The following TDP2 variants were observed in gnomAD, a reference collection of about 807,000 sequenced individuals.
The protein encoded by TDP2 is tyrosyl-DNA phosphodiesterase 2.
Under a neutral mutation model 42.8 loss-of-function variants are expected in TDP2, and 38 were observed. The observed-to-expected ratio is 0.89, with a 90% CI of 0.68 to 1.16. The LOEUF is 1.16. Ranked by LOEUF, TDP2 falls within the 50% of genes most tolerant of loss-of-function variation. The pLI is 0.00. For missense variants in TDP2, 439 were observed against 439.3 expected (o/e 1.00, Z 0.01); for synonymous variants, 173 against 150.6 (o/e 1.15, Z -1.09).
chr6:24,650,697 T>A lies in TDP2; in HGVS notation c.*91A>T. The stretch of plus-strand genomic sequence containing the variant: ...TGGTTTTTCTGTGACAATGATCTAG[T>A]ACATTATTTCCTCCACAGCAAACCT... On this transcript the variant is annotated 3_prime_UTR_variant, in exon 7 of 7. Transcript: ENST00000378198. 5 of 1,282,220 alleles carry A rather than the reference T, an allele frequency of 3.9e-6. No individual in the cohort carries two copies. The highest frequency in any genetic ancestry group is 5.4e-6 in the Non-Finnish European group (5 of 918,528). The allele number at this position is 1,282,220 out of a possible 1,614,324, so 79.4% of individuals were successfully genotyped here.
In TDP2 at chr6:24,657,908, TG is replaced by T. The variant is rs778665520; in HGVS notation, c.426-6del. On this transcript the variant is annotated splice_polypyrimidine_tract_variant and splice_region_variant and intron_variant, in intron 3 of 6. Coordinates refer to ENST00000378198, the MANE Select transcript of TDP2 (RefSeq NM_016614.3). ...AATATCACATCTGGGCTGTACCTAA[TG>T]AAAAACATCAATTTATGACAAATAC... The T allele has an allele frequency of 2.0e-6, 3 of 1,515,382 alleles. No homozygotes were observed. Among genetic ancestry groups the T allele is most frequent in the East Asian group, 4.8e-5 (2 of 41,938 alleles). 93.9% of individuals were successfully genotyped at this position (1,515,382 alleles called of 1,614,324 possible). A position where few individuals can be genotyped will look rare whatever the true frequency, so the allele number is the denominator to read the frequency against.
intron 4 of TDP2, among the ~76,000 whole-genome samples, chr6:24,655,165 C>G (rs1196566353): frequency 6.6e-6 from 1 of 152,082 alleles, no homozygotes; most frequent in Non-Finnish European, 1.5e-5. Context: ...GAACTGTGGC[C>G]AGCTGATAGC....
chr6:24,666,453 C>T, intron 2 of TDP2, 73 bp downstream of exon 2: 6 of 1,528,464 alleles, frequency 3.9e-6, no homozygotes, highest in Non-Finnish European at 5.4e-6. Context: ...CACGGCAGGT[C>T]CCAGGACGCG....
intron 6 of TDP2, among the ~76,000 whole-genome samples, chr6:24,652,619 G>A (rs945809201): frequency 4.0e-5 from 6 of 151,896 alleles, no homozygotes; most frequent in African/African-American, 1.2e-4. Flanking sequence ...CAATTATCAC[G>A]GTCCAATCTT....
intron 2 of TDP2, among the ~76,000 whole-genome samples, chr6:24,661,649 C>T (rs1369710696): frequency 6.6e-6 from 1 of 152,136 alleles, no homozygotes; most frequent in Non-Finnish European, 1.5e-5. Flanking sequence ...GCTAGATGAA[C>T]TTAATGTCAA....
At chr6:24,657,774 T>C (rs1179249067) in intron 4 of TDP2, 38 bp downstream of exon 4, 18 of 1,253,616 alleles carry the variant, frequency 1.4e-5, no homozygotes, top group Non-Finnish European at 1.9e-5. Context: ...TGATCTGTTT[T>C]TCAAAGAAAA....
rs781147591 is a variant in TDP2, at chr6:24,666,891, A to G, written c.-29T>C. The G allele has an allele frequency of 3.1e-6, 5 of 1,611,126 alleles. No individual in the cohort carries two copies. In the African/African-American group the frequency reaches 6.7e-5, roughly 21 times the overall value. The stretch of plus-strand genomic sequence containing the variant: ...CCTGCCGCCTCTGCACCGCCCCTTT[A>G]AGCGGAACAGGAGGCCAACGCGCGG... On this transcript the variant is annotated 5_prime_UTR_variant, in exon 1 of 7. Coordinates refer to ENST00000378198, the MANE Select transcript of TDP2 (RefSeq NM_016614.3).
rs779514628 is a variant in TDP2 at position 24,666,791 on chromosome 6, C to T, written c.72G>A (p.Lys24=). 6.2e-7 allele frequency: 1 copy of T among 1,614,278 alleles called. No individual in the cohort carries two copies. Among genetic ancestry groups the T allele is most frequent in the African/African-American group, 1.3e-5 (1 of 75,084 alleles). ...CAAACTCCACACACAGAAGTCGCCG[C>T]TTTTTCACCTCAGGCTCGCCCTCTT... The part of the protein sequence containing the change: ...AEEEGEPEVK[K]RRLLCVEFAS... Residue 24 remains lysine, a synonymous_variant, in exon 1 of 7, where the codon AAG becomes AAA. Coordinates refer to ENST00000378198, the MANE Select transcript of TDP2 (RefSeq NM_016614.3).
chr6:24,654,246 AT>A, intron 5 of TDP2, 165 bp downstream of exon 5: 1 of 422,328 alleles, frequency 2.4e-6, no homozygotes, highest in Non-Finnish European at 4.2e-6. Context: ...TGCATTTAAA[AT>A]TTATGTAAAA....
chr6:24,657,468 A>C (rs796121355), intron 4 of TDP2, among the ~76,000 whole-genome samples: 24 of 151,190 alleles, frequency 1.6e-4, no homozygotes, highest in African/African-American at 5.8e-4. Context: ...AAAATAAATA[A>C]GGAATTATAA....
chr6:24,654,068 C>G (rs959205096), intron 5 of TDP2, among the ~76,000 whole-genome samples: 6 of 152,166 alleles, frequency 3.9e-5, no homozygotes, highest in African/African-American at 1.4e-4. Context: ...CCTTACTAAT[C>G]TATATACTAT....
In TDP2 at chr6:24,666,552, A is replaced by T; in HGVS notation, c.225T>A (p.Pro75=). ...AGGTCTTGGGCTCAGAGATGGTTTCAGGTCGGCGTTCCAAGGCGCTCTCCT... is the reference window on the plus strand; with the variant it reads ...AGGTCTTGGGCTCAGAGATGGTTTCTGGTCGGCGTTCCAAGGCGCTCTCCT... ...PVEESALERR[P]ETISEPKTYV... The change falls in exon 2 of 7, where the codon CCT becomes CCA. Residue 75 remains proline, a synonymous_variant. Transcript: ENST00000378198. 1 of 1,614,116 alleles carries T rather than the reference A, an allele frequency of 6.2e-7. No individual in the cohort carries two copies. The highest frequency in any genetic ancestry group is 8.5e-7 in the Non-Finnish European group (1 of 1,179,950).
rs756535178 is a variant in TDP2, at chr6:24,654,576, T to C, written c.518-46A>G. On this transcript the variant is annotated intron_variant, in intron 4 of 6. Transcript: ENST00000378198. ...GAATTTAGGCTGAGAAGGTGAGAGT[T>C]ATTTTCAGTTTACCACAAGTTTGCC... The C allele has an allele frequency of 3.8e-6, 4 of 1,040,080 alleles. No individual in the cohort carries two copies. The African/African-American group carries it at 6.5e-5, about 17-fold the overall frequency. 64.4% of individuals were successfully genotyped at this position (1,040,080 alleles called of 1,614,324 possible). A position where few individuals can be genotyped will look rare whatever the true frequency, so the allele number is the denominator to read the frequency against.
At chr6:24,658,246 C>T (rs1778087443) in intron 3 of TDP2, among the ~76,000 whole-genome samples, 1 of 152,202 alleles carries the variant, frequency 6.6e-6, no homozygotes, top group South Asian at 2.1e-4. Context: ...GTCCAGAGAA[C>T]TTAAGTGATT....
intron 2 of TDP2, among the ~76,000 whole-genome samples, chr6:24,662,672 C>T (rs1042633837): frequency 2.6e-5 from 4 of 152,014 alleles, no homozygotes; most frequent in African/African-American, 7.3e-5. Context: ...TGCTAAGCGC[C>T]GGTCCCCTGG....
chr6:24,652,634 T>C (rs1045947233), intron 6 of TDP2, among the ~76,000 whole-genome samples: 6 of 151,942 alleles, frequency 3.9e-5, no homozygotes, highest in African/African-American at 7.3e-5. Context: ...AATCTTTCCA[T>C]TGTTCTCATA....
chr6:24,664,590 G>A (rs1778202659), intron 2 of TDP2, among the ~76,000 whole-genome samples: 1 of 152,110 alleles, frequency 6.6e-6, no homozygotes, highest in Non-Finnish European at 1.5e-5. Flanking sequence ...TGAGATTCCT[G>A]CGCCATTCAT....
At chr6:24,651,556 G>A (rs375322050) in intron 6 of TDP2, among the ~76,000 whole-genome samples, 26 of 151,738 alleles carry the variant, frequency 1.7e-4, no homozygotes, top group Admixed American at 4.6e-4. Flanking sequence ...AATTGTTTGC[G>A]GTAAAATATA....
intron 4 of TDP2, among the ~76,000 whole-genome samples, chr6:24,655,632 C>T (rs1488042629): frequency 1.3e-5 from 2 of 152,156 alleles, no homozygotes; most frequent in Admixed American, 6.5e-5. Flanking sequence ...TCACCAGCCA[C>T]AGGGAGGGGC....
Sources: allele counts gnomAD v4.1 joint callset (sites outside exome capture counted in the v4.1 genomes callset), GRCh38; gene constraint gnomAD v4.1.1; transcripts MANE v1.5; gene names NCBI Gene and HGNC (gene_info 2026-07-23, HGNC 2026-07-21).